The following TRIM44 variants were observed in gnomAD, a reference collection of about 807,000 sequenced individuals.
The protein encoded by TRIM44 is tripartite motif-containing protein 44.
TRIM44 carries 13 observed loss-of-function variants against 37.4 expected under a neutral mutation model. The ratio of observed to expected loss-of-function variants is 0.35; its 90% CI spans 0.23 to 0.55. The LOEUF (loss-of-function observed/expected upper bound fraction) is 0.55. Ranked by LOEUF, TRIM44 falls within the 20% of genes least tolerant of loss-of-function variation. The probability of loss-of-function intolerance (pLI) is 0.89; values close to 1 mark genes in which losing one functional copy is unlikely to be tolerated. For missense variants in TRIM44, 426 were observed against 437.2 expected (o/e 0.97, Z 0.23); for synonymous variants, 175 against 157.2 (o/e 1.11, Z -0.85).
intron 2 of TRIM44, among the ~76,000 whole-genome samples, chr11:35,691,932 A>G (rs1851641267): frequency 6.6e-6 from 1 of 152,210 alleles, no homozygotes. Flanking sequence ...GGCGTGAGCC[A>G]CCATGCCTGG....
intron 4 of TRIM44, among the ~76,000 whole-genome samples, chr11:35,758,242 GC>G (rs1418616020): frequency 6.6e-6 from 1 of 151,948 alleles, no homozygotes; most frequent in Non-Finnish European, 1.5e-5. Context: ...TGATCCCTTT[GC>G]CATTATGTAA....
intron 4 of TRIM44, among the ~76,000 whole-genome samples, chr11:35,754,073 T>C (rs536315389): frequency 4.6e-5 from 7 of 152,192 alleles, no homozygotes; most frequent in African/African-American, 1.7e-4. Context: ...AAAAGAAATT[T>C]ATTGAATACT....
intron 4 of TRIM44, among the ~76,000 whole-genome samples, chr11:35,773,412 T>C (rs1852901881): frequency 6.6e-6 from 1 of 152,118 alleles, no homozygotes; most frequent in South Asian, 2.1e-4. Context: ...AGTTTGCAAA[T>C]ATTTTCTCCC....
chr11:35,772,716 C>A lies in TRIM44; in HGVS notation c.1008-33642C>A, dbSNP rs561139754. 1.6e-3 allele frequency among the ~76,000 whole-genome samples: 242 copies of A among 152,276 alleles called. 2 individuals are homozygous for A. Among genetic ancestry groups the A allele is most frequent in the Non-Finnish European group, 2.9e-3 (200 of 68,026 alleles). ...CAGGTAGAACTCAGTGTGCCTGTAC[C>A]CCCATTGTATCTAGGAAGTAACTAA... On this transcript the variant is annotated intron_variant, in intron 4 of 4. Transcript: ENST00000299413.
chr11:35,781,586 C>T (rs1420508204), intron 4 of TRIM44, among the ~76,000 whole-genome samples: 2 of 152,254 alleles, frequency 1.3e-5, no homozygotes, highest in African/African-American at 2.4e-5. Context: ...TTAGGCACCT[C>T]GGAAGCAAGC....
chr11:35,748,698 G>A (rs187013963), intron 4 of TRIM44, among the ~76,000 whole-genome samples: 1 of 152,260 alleles, frequency 6.6e-6, no homozygotes, highest in African/African-American at 2.4e-5. Flanking sequence ...AGTAAAACAA[G>A]GTTAGCTGCA....
chr11:35,763,897 G>T (rs974465080), intron 4 of TRIM44, among the ~76,000 whole-genome samples: 2 of 152,148 alleles, frequency 1.3e-5, no homozygotes, highest in East Asian at 3.9e-4. Context: ...GCAGCCTTGT[G>T]TACAACGCCT....
chr11:35,677,082 A>G (rs944934840), intron 1 of TRIM44, among the ~76,000 whole-genome samples: 2 of 152,188 alleles, frequency 1.3e-5, no homozygotes, highest in African/African-American at 4.8e-5. Context: ...AAATTCCACA[A>G]TTAGCTATGT....
chr11:35,719,226 A>T (rs1045484479), intron 2 of TRIM44, among the ~76,000 whole-genome samples: 1 of 152,176 alleles, frequency 6.6e-6, no homozygotes, highest in African/African-American at 2.4e-5. Flanking sequence ...CTGTTCTTCC[A>T]CATCTTTGCC....
At chr11:35,779,641 A>C (rs186865883) in intron 4 of TRIM44, among the ~76,000 whole-genome samples, 10 of 151,994 alleles carry the variant, frequency 6.6e-5, no homozygotes, top group Non-Finnish European at 1.2e-4. Context: ...TTCTTGTTGC[A>C]ATTGCTTTTG....
intron 4 of TRIM44, among the ~76,000 whole-genome samples, chr11:35,754,566 A>T (rs1007388986): frequency 6.6e-6 from 1 of 152,048 alleles, no homozygotes. Context: ...CAGATTAGTT[A>T]CATGTGTATA....
chr11:35,798,571 G>A (rs1455827779), intron 4 of TRIM44, among the ~76,000 whole-genome samples: 1 of 152,144 alleles, frequency 6.6e-6, no homozygotes, highest in Non-Finnish European at 1.5e-5. Flanking sequence ...ACATGCCTTT[G>A]GACCCAGGAG....
At chr11:35,739,400 C>T (rs1004067171) in intron 4 of TRIM44, among the ~76,000 whole-genome samples, 4 of 152,168 alleles carry the variant, frequency 2.6e-5, no homozygotes, top group African/African-American at 9.7e-5. Context: ...ACCATGTGGA[C>T]TATCTTCAAA....
rs193180424 is a variant in TRIM44 at position 35,797,516 on chromosome 11, C to T, written c.1008-8842C>T. Among the ~76,000 whole-genome samples the T allele has an allele frequency of 1.5e-3, 228 of 152,326 alleles. 1 individual carries two copies. The highest frequency in any genetic ancestry group is 5.4e-3 in the African/African-American group (223 of 41,572). On this transcript the variant is annotated intron_variant, in intron 4 of 4. Transcript: ENST00000299413. Reference sequence around the variant, plus strand: ...CCATAGAAAAACATGACAAGCACTACCTCAGCCAGGTGGTCAAGGCCACCT... The same window carrying T: ...CCATAGAAAAACATGACAAGCACTATCTCAGCCAGGTGGTCAAGGCCACCT...
intron 4 of TRIM44, among the ~76,000 whole-genome samples, chr11:35,769,676 T>A (rs1397616941): frequency 4.6e-5 from 7 of 152,228 alleles, no homozygotes; most frequent in Admixed American, 3.3e-4. Context: ...CCAGTGATTA[T>A]AAGGGGCTTA....
At chr11:35,761,080 A>G (rs1852718734) in intron 4 of TRIM44, among the ~76,000 whole-genome samples, 1 of 152,200 alleles carries the variant, frequency 6.6e-6, no homozygotes, top group African/African-American at 2.4e-5. Flanking sequence ...TTCACTTAAT[A>G]TAATGTCCTT....
intron 1 of TRIM44, among the ~76,000 whole-genome samples, chr11:35,681,957 T>C (rs1314828333): frequency 1.4e-5 from 2 of 143,728 alleles, no homozygotes; most frequent in African/African-American, 5.4e-5. Flanking sequence ...CCATACTTTT[T>C]TTTTTTTTTT....
At chr11:35,791,481 C>T (rs895661068) in intron 4 of TRIM44, among the ~76,000 whole-genome samples, 5 of 152,090 alleles carry the variant, frequency 3.3e-5, no homozygotes, top group Non-Finnish European at 5.9e-5. Flanking sequence ...CTACACCCCC[C>T]GCCCTGACAT....
chr11:35,692,516 A>G (rs753551071), intron 2 of TRIM44, among the ~76,000 whole-genome samples: 3 of 152,138 alleles, frequency 2.0e-5, no homozygotes, highest in Non-Finnish European at 4.4e-5. Context: ...TGCAATCTGA[A>G]ATGCTTCAGT....
Sources: allele counts gnomAD v4.1 joint callset (sites outside exome capture counted in the v4.1 genomes callset), GRCh38; gene constraint gnomAD v4.1.1; transcripts MANE v1.5; gene names NCBI Gene and HGNC (gene_info 2026-07-23, HGNC 2026-07-21).